The following SLC23A2 variants were observed in gnomAD, a reference collection of about 807,000 sequenced individuals.
SLC23A2 encodes the protein solute carrier family 23 member 2.
SLC23A2 carries 36 observed loss-of-function variants against 73.3 expected under a neutral mutation model. The ratio of observed to expected loss-of-function variants is 0.49; its 90% CI spans 0.38 to 0.65. The LOEUF (loss-of-function observed/expected upper bound fraction) is 0.65. Among genes scored for constraint, SLC23A2 ranks in the 30% least tolerant of loss-of-function variants. The probability of loss-of-function intolerance (pLI) is 0.00; values close to 1 mark genes in which losing one functional copy is unlikely to be tolerated. For missense variants in SLC23A2, 507 were observed against 841.6 expected (o/e 0.60, Z 4.92); for synonymous variants, 343 against 327.3 (o/e 1.05, Z -0.52).
In SLC23A2 at chr20:4,853,123, C is replaced by T. The variant is rs1929585909; in HGVS notation, c.*3849G>A. 6.6e-6 allele frequency: 1 copy of T among 152,314 alleles called. No individual in the cohort carries two copies. The highest frequency in any genetic ancestry group is 1.5e-5 in the Non-Finnish European group (1 of 68,100). 9.4% of individuals were successfully genotyped at this position (152,314 alleles called of 1,614,324 possible). ...TCTTTTCCAAAGCCAAGAGGAGGCT[C>T]CCTGGAGAAGCGAGCTTTGCGAATG... On this transcript the variant is annotated 3_prime_UTR_variant, in exon 17 of 17. Coordinates refer to ENST00000338244, the MANE Select transcript of SLC23A2 (RefSeq NM_005116.6).
intron 15 of SLC23A2, among the ~76,000 whole-genome samples, chr20:4,860,528 G>T (rs1166636029): frequency 6.6e-6 from 1 of 152,160 alleles, no homozygotes. Context: ...CATGAGCTGT[G>T]GCATTGCTGA....
intron 2 of SLC23A2, among the ~76,000 whole-genome samples, chr20:4,951,113 A>C (rs959681604): frequency 1.3e-5 from 2 of 152,264 alleles, no homozygotes; most frequent in African/African-American, 4.8e-5. Context: ...CATGCTGTGA[A>C]GACTCTAACA....
intron 12 of SLC23A2, 159 bp downstream of exon 12, chr20:4,869,747 G>A: frequency 1.7e-6 from 1 of 587,046 alleles, no homozygotes; most frequent in Non-Finnish European, 3.0e-6. Context: ...ACAGTCGAAA[G>A]TAAACAAAGG....
At chr20:4,957,310 T>G (rs1340145869) in intron 2 of SLC23A2, among the ~76,000 whole-genome samples, 1 of 151,942 alleles carries the variant, frequency 6.6e-6, no homozygotes, top group Non-Finnish European at 1.5e-5. Context: ...ATTTTTTTTC[T>G]AATTACCTGG....
At chr20:4,985,928 T>C (rs1264851902) in intron 1 of SLC23A2, among the ~76,000 whole-genome samples, 1 of 152,132 alleles carries the variant, frequency 6.6e-6, no homozygotes, top group Non-Finnish European at 1.5e-5. Context: ...CTGAAGCATA[T>C]CCTTTAAACA....
At chr20:4,882,772 A>G (rs1351217567) in intron 9 of SLC23A2, among the ~76,000 whole-genome samples, 1 of 152,234 alleles carries the variant, frequency 6.6e-6, no homozygotes, top group East Asian at 1.9e-4. Context: ...TGCATAGTAA[A>G]AGATCAATAA....
intron 13 of SLC23A2, among the ~76,000 whole-genome samples, chr20:4,864,625 T>C (rs1930120516): frequency 6.6e-6 from 1 of 152,254 alleles, no homozygotes; most frequent in Non-Finnish European, 1.5e-5. Flanking sequence ...TGATCAAGCT[T>C]GTGACTTGTT....
At chr20:4,975,079 C>T (rs2087622760) in intron 1 of SLC23A2, among the ~76,000 whole-genome samples, 1 of 152,160 alleles carries the variant, frequency 6.6e-6, no homozygotes. Flanking sequence ...AGCCACCGTG[C>T]CTGGCCAAAA....
At chr20:4,971,922 TA>T (rs2087567081) in intron 1 of SLC23A2, among the ~76,000 whole-genome samples, 2 of 152,200 alleles carry the variant, frequency 1.3e-5, no homozygotes, top group Admixed American at 1.3e-4. Flanking sequence ...TAAAGCCTCT[TA>T]AAAATGTACT....
At chr20:4,973,650 C>T (rs559413666) in intron 1 of SLC23A2, among the ~76,000 whole-genome samples, 7 of 152,310 alleles carry the variant, frequency 4.6e-5, no homozygotes, top group Non-Finnish European at 7.3e-5. Context: ...TCTGGCAGAG[C>T]GCTCCGCTGA....
intron 5 of SLC23A2, among the ~76,000 whole-genome samples, chr20:4,900,443 T>C (rs1415191330): frequency 6.6e-6 from 1 of 152,246 alleles, no homozygotes; most frequent in Non-Finnish European, 1.5e-5. Context: ...AAACCCTAGT[T>C]AGTCATACTG....
In SLC23A2 at chr20:4,859,518, G is replaced by A. The variant is rs1929874520; in HGVS notation, c.1625-134C>T. 7 of 679,078 alleles carry A rather than the reference G, an allele frequency of 1.0e-5. No homozygotes were observed. In the South Asian group the frequency reaches 1.2e-4, roughly 11 times the overall value. The allele number at this position is 679,078 out of a possible 1,614,324, so 42.1% of individuals were successfully genotyped here. On this transcript the variant is annotated intron_variant, in intron 15 of 16. Transcript: ENST00000338244. ...AAAGGAAAGTGTACATTTCTTAGTT[G>A]TGCACATGTAGATGAATTTTTGCCA... is the stretch of plus-strand genomic sequence containing the variant.
At chr20:5,005,657 A>T (rs2088182396), upstream of SLC23A2, among the ~76,000 whole-genome samples, 1 of 152,146 alleles carries the variant, frequency 6.6e-6, no homozygotes, top group Admixed American at 6.5e-5. Context: ...GTGGGCCAAG[A>T]GGTAAAATTG....
intron 2 of SLC23A2, among the ~76,000 whole-genome samples, chr20:4,961,363 T>C (rs1206848330): frequency 6.6e-6 from 1 of 152,110 alleles, no homozygotes; most frequent in Non-Finnish European, 1.5e-5. Context: ...ATTACAGGCG[T>C]GAGCCACCAC....
At chr20:4,953,034 G>A (rs1415776015) in intron 2 of SLC23A2, among the ~76,000 whole-genome samples, 4 of 150,216 alleles carry the variant, frequency 2.7e-5, no homozygotes, top group Admixed American at 6.6e-5. Flanking sequence ...AAGGCCTGGC[G>A]CGGTGACTCA....
chr20:4,887,101 G>A (rs1215272655), intron 6 of SLC23A2, among the ~76,000 whole-genome samples: 1 of 152,188 alleles, frequency 6.6e-6, no homozygotes, highest in Non-Finnish European at 1.5e-5. Context: ...AAGGGTGCTG[G>A]CTTTAAGGCA....
At chr20:4,874,547 G>C in intron 10 of SLC23A2, 29 bp downstream of exon 10, 3 of 1,571,890 alleles carry the variant, frequency 1.9e-6, no homozygotes, top group Non-Finnish European at 2.6e-6. Flanking sequence ...GGGCAAAAAT[G>C]TCAGCAGGGG....
chr20:4,945,766 GAA>G (rs1372199856), intron 2 of SLC23A2, among the ~76,000 whole-genome samples: 3 of 152,186 alleles, frequency 2.0e-5, no homozygotes, highest in Non-Finnish European at 4.4e-5. Flanking sequence ...TGGGTCAGGG[GAA>G]AAGAGTCTGC....
intron 9 of SLC23A2, among the ~76,000 whole-genome samples, chr20:4,878,727 A>G (rs1930755157): frequency 6.6e-6 from 1 of 152,254 alleles, no homozygotes; most frequent in South Asian, 2.1e-4. Flanking sequence ...AGTTTTTCCT[A>G]CATAATTTGT....
Sources: allele counts gnomAD v4.1 joint callset (sites outside exome capture counted in the v4.1 genomes callset), GRCh38; gene constraint gnomAD v4.1.1; transcripts MANE v1.5; gene names NCBI Gene and HGNC (gene_info 2026-07-23, HGNC 2026-07-21).